Variants in PCNT observed in about 807,000 individuals in gnomAD.
The protein encoded by PCNT is pericentrin, also known as kendrin.
PCNT carries 319 observed loss-of-function variants against 380.4 expected under a neutral mutation model. The ratio of observed to expected loss-of-function variants is 0.84; its 90% CI spans 0.77 to 0.92. The LOEUF (loss-of-function observed/expected upper bound fraction) is 0.92. Ranked by LOEUF, PCNT falls within the 40% of genes least tolerant of loss-of-function variation. The pLI is 0.00. For synonymous variants in PCNT, 1,845 were observed against 1,735.2 expected (o/e 1.06, Z -1.57); for missense variants, 4,400 against 4,255.3 (o/e 1.03, Z -0.95).
intron 2 of PCNT, among the ~76,000 whole-genome samples, chr21:46,328,602 A>G (rs1046523652): frequency 6.6e-6 from 1 of 151,966 alleles, no homozygotes; most frequent in African/African-American, 2.4e-5. Flanking sequence ...CTGGGATTGC[A>G]GGCGCCTGCC....
Position 46,353,114 on chromosome 21 carries a change from G to A in PCNT, c.1467G>A (p.Glu489=). 2 of 1,613,836 alleles carry A rather than the reference G, an allele frequency of 1.2e-6. No individual in the cohort carries two copies. Among genetic ancestry groups the A allele is most frequent in the Non-Finnish European group, 8.5e-7 (1 of 1,179,872 alleles). ...TSRQELSELH[E]QLLARTSRVE... ...TCCGTTATGTTGCAGAGCTACATGAGCAACTCCTGGCGCGCACCTCTCGTG... is the reference window on the plus strand; with the variant it reads ...TCCGTTATGTTGCAGAGCTACATGAACAACTCCTGGCGCGCACCTCTCGTG... The change falls in exon 10 of 47, where the codon GAG becomes GAA. Residue 489 remains glutamate (E), a synonymous_variant. Coordinates refer to ENST00000359568, the MANE Select transcript of PCNT (RefSeq NM_006031.6).
intron 13 of PCNT, among the ~76,000 whole-genome samples, chr21:46,358,290 T>C (rs1275589507): frequency 6.6e-6 from 1 of 152,214 alleles, no homozygotes; most frequent in East Asian, 1.9e-4. Context: ...AGTGTTTTCA[T>C]TTCTATTTGT....
In PCNT at chr21:46,412,654, G is replaced by A. The variant is rs529019060; in HGVS notation, c.5995-183G>A. On this transcript the variant is annotated intron_variant, in intron 28 of 46. Coordinates refer to ENST00000359568, the MANE Select transcript of PCNT (RefSeq NM_006031.6). Reference sequence around the variant, plus strand: ...CCTGGGTCGGGGCAGCTTTCTGCTGGGTCCTCAGCCCCGTTCCCATGTGGC... The same window carrying A: ...CCTGGGTCGGGGCAGCTTTCTGCTGAGTCCTCAGCCCCGTTCCCATGTGGC... Among the ~76,000 whole-genome samples, 8 of 152,292 alleles carry A rather than the reference G, an allele frequency of 5.3e-5. No individual in the cohort carries two copies. In the South Asian group the frequency reaches 1.7e-3, roughly 32 times the overall value.
chr21:46,358,039 T>C (rs1164695431), intron 13 of PCNT, among the ~76,000 whole-genome samples: 1 of 152,202 alleles, frequency 6.6e-6, no homozygotes, highest in Non-Finnish European at 1.5e-5. Flanking sequence ...GTCCATCCCA[T>C]GCTGGAGCAG....
In PCNT at chr21:46,425,985, T is replaced by G; in HGVS notation, c.7320+14T>G. 2 of 1,613,336 alleles carry G rather than the reference T, an allele frequency of 1.2e-6. No homozygotes were observed. The highest frequency in any genetic ancestry group is 1.7e-6 in the Non-Finnish European group (2 of 1,179,664). ...GGAAAGACGCAGGTTTATTTTGCCCTTCACACACTTCTTTTCCAAAGGATT... is the reference window on the plus strand; with the variant it reads ...GGAAAGACGCAGGTTTATTTTGCCCGTCACACACTTCTTTTCCAAAGGATT... On this transcript the variant is annotated intron_variant, in intron 33 of 46. Coordinates refer to ENST00000359568, the MANE Select transcript of PCNT (RefSeq NM_006031.6). This position sits in a 1 kb window ranked among gnomAD's most constrained non-coding sequence, Gnocchi z 4.2.
intron 28 of PCNT, among the ~76,000 whole-genome samples, chr21:46,412,291 A>C (rs569414744): frequency 6.6e-6 from 1 of 152,150 alleles, no homozygotes; most frequent in African/African-American, 2.4e-5. Context: ...TACCATTTTA[A>C]GCTTATCGTT....
intron 15 of PCNT, among the ~76,000 whole-genome samples, chr21:46,374,954 C>T (rs558933372): frequency 3.3e-5 from 5 of 152,156 alleles, no homozygotes; most frequent in South Asian, 4.2e-4. Flanking sequence ...TTCTTCCCCG[C>T]GGCGATGCTT....
rs144342729 is a variant in PCNT, at chr21:46,416,563, G to A, written c.6645G>A (p.Pro2215=). 4.5e-4 allele frequency: 732 copies of A among 1,612,122 alleles called. No individual in the cohort carries two copies. The highest frequency in any genetic ancestry group is 5.7e-4 in the Non-Finnish European group (678 of 1,179,188). The change falls in exon 30 of 47, where the codon CCG becomes CCA. Residue 2215 remains proline (P), a synonymous_variant. Transcript: ENST00000359568. ...CAGAGGCTGGGCCCCGGAAGAGCCCGGTCGGGATGCTGGACCTGTCTTCCT... is the reference window on the plus strand; with the variant it reads ...CAGAGGCTGGGCCCCGGAAGAGCCCAGTCGGGATGCTGGACCTGTCTTCCT... ...HTAEAGPRKS[P]VGMLDLSSWS...
chr21:46,432,868 G>A (rs753632076), intron 38 of PCNT, among the ~76,000 whole-genome samples: 33 of 152,116 alleles, frequency 2.2e-4, no homozygotes, highest in African/African-American at 3.6e-4. Context: ...TGATCCGCCC[G>A]CCTGGGCCTC....
Position 46,355,474 on chromosome 21 carries a change from C to G in PCNT, c.1784C>G (p.Ala595Gly). The G allele has an allele frequency of 5.0e-6, 8 of 1,613,992 alleles. 1 individual carries two copies. Among genetic ancestry groups the G allele is most frequent in the Non-Finnish European group, 6.8e-6 (8 of 1,180,034 alleles). ...TAGGAGAGCCTGCCACGCTTCCAGG[C>G]GGAGTTAGAAGAAAGCCACAGGCAC... ...RHKESLPRFQ[A>G]ELEESHRHQL... is the part of the protein sequence containing the mutation. Residue 595 changes from alanine (A) to glycine (G), a missense_variant, in exon 12 of 47, where the codon GCG (alanine) becomes GGG (glycine). Transcript: ENST00000359568.
rs201729273 is a variant in PCNT at position 46,399,791 on chromosome 21, G to A, written c.4786G>A (p.Glu1596Lys). 6.2e-7 allele frequency: 1 copy of A among 1,613,850 alleles called. No individual in the cohort carries two copies. The highest frequency in any genetic ancestry group is 1.7e-5 in the Admixed American group (1 of 60,012). The change falls in exon 25 of 47, where the codon GAA becomes AAA. Residue 1596 changes from glutamate to lysine, a missense_variant. Glu to Lys is a moderately conservative substitution (Grantham distance 56, BLOSUM62 1). Transcript: ENST00000359568. ...EKQKNIVKGL[E>K]QDKEVLKKQQ... ...ACAGAAAAACATCGTGAAAGGGCTGGAACAGGTAAAGCGTCTCCATGTTGT... is the reference window on the plus strand; with the variant it reads ...ACAGAAAAACATCGTGAAAGGGCTGAAACAGGTAAAGCGTCTCCATGTTGT...
At chr21:46,351,578 C>T in intron 9 of PCNT, 38 bp downstream of exon 9, 1 of 1,185,686 alleles carries the variant, frequency 8.4e-7, no homozygotes, top group East Asian at 2.3e-5. Flanking sequence ...TCCTCAAAAG[C>T]TGAAGCTGTG....
At chr21:46,363,064 C>G (rs2084775866) in intron 13 of PCNT, among the ~76,000 whole-genome samples, 1 of 152,222 alleles carries the variant, frequency 6.6e-6, no homozygotes, top group South Asian at 2.1e-4. Flanking sequence ...ATCATGCTTG[C>G]TGCAGTGGCC....
rs1021934192 is a variant in PCNT, at chr21:46,444,726, G to C, written c.9872G>C (p.Arg3291Thr). 4 of 1,612,012 alleles carry C rather than the reference G, an allele frequency of 2.5e-6. No homozygotes were observed. The African/African-American group carries it at 5.4e-5, about 22-fold the overall frequency. Residue 3291 changes from arginine (R) to threonine (T), a missense_variant, in exon 46 of 47, where the codon AGA becomes ACA. By Grantham distance (71) the Arg-to-Thr change is moderately conservative (BLOSUM62 -1). Coordinates refer to ENST00000359568, the MANE Select transcript of PCNT (RefSeq NM_006031.6). ...ATPSPNSRLE[R>T]SLTASQDPEH... Reference sequence around the variant, plus strand: ...CCATCCCCAAATTCAAGATTAGAAAGATCCCTGACTGCTTCTCAAGATCCA... The same window carrying C: ...CCATCCCCAAATTCAAGATTAGAAACATCCCTGACTGCTTCTCAAGATCCA...
At chr21:46,348,983 G>T (rs758380655) in intron 6 of PCNT, 29 bp from the exon 7 acceptor site, 2 of 1,387,948 alleles carry the variant, frequency 1.4e-6, no homozygotes, top group Admixed American at 1.7e-5. Flanking sequence ...ATCAACTATT[G>T]AGTTTAATTT....
chr21:46,334,141 A>C (rs113750286), intron 2 of PCNT, among the ~76,000 whole-genome samples: 4 of 148,912 alleles, frequency 2.7e-5, no homozygotes, highest in South Asian at 2.2e-4. Context: ...GGAGGCGGAG[A>C]TTGCAGTGAG....
intron 21 of PCNT, among the ~76,000 whole-genome samples, chr21:46,395,414 C>T (rs1325940489): frequency 6.6e-6 from 1 of 151,532 alleles, no homozygotes; most frequent in African/African-American, 2.4e-5. Context: ...AGCAGAGACT[C>T]CATCTCAGAA....
At chr21:46,372,277 ATGCACACAGCACATACACATAGCAGATG>A (rs1465593519) in intron 15 of PCNT, among the ~76,000 whole-genome samples, 1 of 150,194 alleles carries the variant, frequency 6.7e-6, no homozygotes, top group African/African-American at 2.5e-5. Flanking sequence ...TAGCACATGC[ATGCACACAGCACATACACATAGCAGATG>A]TGCACACAGC....
In PCNT at chr21:46,411,592, G is replaced by A. The variant is rs200559632; in HGVS notation, c.5519G>A (p.Arg1840His). The change falls in exon 28 of 47, where the codon CGC (arginine) becomes CAC (histidine). Residue 1840 changes from arginine to histidine, a missense_variant. Coordinates refer to ENST00000359568, the MANE Select transcript of PCNT (RefSeq NM_006031.6). ...AAELQLAELE[R>H]NVALREAEVE... ...GAGCTACAGCTGGCTGAGCTGGAGC[G>A]CAATGTAGCCCTCAGGGAGGCTGAG... 5.4e-5 allele frequency: 87 copies of A among 1,612,902 alleles called. 1 individual carries two copies. The highest frequency in any genetic ancestry group is 1.5e-4 in the Admixed American group (9 of 60,008).
Sources: allele counts gnomAD v4.1 joint callset (sites outside exome capture counted in the v4.1 genomes callset), GRCh38; gene constraint gnomAD v4.1.1; non-coding constraint Gnocchi (gnomAD v3.1); transcripts MANE v1.5; gene names NCBI Gene and HGNC (gene_info 2026-07-23, HGNC 2026-07-21).